DDX60L: variants seen among roughly 807,000 people sequenced by gnomAD.
DDX60L encodes the protein probable ATP-dependent RNA helicase DDX60-like.
Under a neutral mutation model 211.6 loss-of-function variants are expected in DDX60L, and 191 were observed. That is an observed-to-expected ratio of 0.90 (90% CI 0.80 to 1.02). DDX60L has a LOEUF of 1.02. Among genes scored for constraint, DDX60L ranks in the 50% least tolerant of loss-of-function variants. The probability of loss-of-function intolerance (pLI) is 0.00; values close to 1 mark genes in which losing one functional copy is unlikely to be tolerated. For missense variants in DDX60L, 2,007 were observed against 1,984.1 expected (o/e 1.01, Z -0.22); for synonymous variants, 706 against 694.1 (o/e 1.02, Z -0.27).
chr4:168,443,297 T>C (rs1306899111), intron 9 of DDX60L, among the ~76,000 whole-genome samples: 1 of 151,650 alleles, frequency 6.6e-6, no homozygotes, highest in Non-Finnish European at 1.5e-5. Flanking sequence ...ATGAAATGAA[T>C]GAAATGAAGC....
chr4:168,462,928 C>A (rs558722277), intron 4 of DDX60L, among the ~76,000 whole-genome samples: 1 of 152,132 alleles, frequency 6.6e-6, no homozygotes, highest in African/African-American at 2.4e-5. Flanking sequence ...TACCATCTCA[C>A]GCCAGTCAGA....
intron 8 of DDX60L, among the ~76,000 whole-genome samples, chr4:168,449,810 A>AC (rs1554017231): frequency 1.1e-5 from 1 of 92,834 alleles, no homozygotes; most frequent in East Asian, 8.9e-4. Flanking sequence ...AAAAATAAAA[A>AC]AAAAAAAAAA....
chr4:168,391,139 A>G (rs1172302192), intron 29 of DDX60L, among the ~76,000 whole-genome samples: 1 of 152,194 alleles, frequency 6.6e-6, no homozygotes, highest in East Asian at 1.9e-4. Flanking sequence ...TGATAATACC[A>G]AGTGCCACAC....
At chr4:168,435,514 T>C (rs999542404) in intron 10 of DDX60L, among the ~76,000 whole-genome samples, 1 of 152,190 alleles carries the variant, frequency 6.6e-6, no homozygotes, top group Admixed American at 6.5e-5. Flanking sequence ...AACCCTATGA[T>C]GACTCCAACT....
At chr4:168,442,420 C>T (rs1408616137) in intron 9 of DDX60L, among the ~76,000 whole-genome samples, 1 of 152,114 alleles carries the variant, frequency 6.6e-6, no homozygotes, top group Non-Finnish European at 1.5e-5. Flanking sequence ...GGCAGCGAGG[C>T]TGGGGGAGGG....
intron 29 of DDX60L, among the ~76,000 whole-genome samples, chr4:168,388,504 C>T (rs1190242068): frequency 6.6e-6 from 1 of 152,260 alleles, no homozygotes; most frequent in Non-Finnish European, 1.5e-5. Flanking sequence ...TTACTATGTG[C>T]TGTGCACAGT....
At chr4:168,460,081 G>A (rs1757122024) in intron 5 of DDX60L, among the ~76,000 whole-genome samples, 1 of 152,080 alleles carries the variant, frequency 6.6e-6, no homozygotes, top group Non-Finnish European at 1.5e-5. Context: ...AAAGGACAGA[G>A]ATCTGCTATA....
chr4:168,415,692 T>C lies in DDX60L; in HGVS notation c.2834A>G (p.His945Arg). ...ADKCLNFLQD[H>R]SYKNQSYEVR... ...TTCATATGATTGATTTTTATATGAATGGTCTTGGAGAAAGTTGAGACATTT... is the reference window on the plus strand; with the variant it reads ...TTCATATGATTGATTTTTATATGAACGGTCTTGGAGAAAGTTGAGACATTT... The change falls in exon 21 of 38, where the codon CAT (histidine) becomes CGT (arginine). Residue 945 changes from histidine (H) to arginine (R), a missense_variant. His to Arg is a conservative substitution (Grantham distance 29, BLOSUM62 0). Transcript: ENST00000682922. The C allele has an allele frequency of 1.3e-6, 2 of 1,599,152 alleles. No individual in the cohort carries two copies. The highest frequency in any genetic ancestry group is 1.1e-5 in the South Asian group (1 of 87,170).
At chr4:168,467,577 G>A (rs905805741) in intron 4 of DDX60L, among the ~76,000 whole-genome samples, 36 of 152,010 alleles carry the variant, frequency 2.4e-4, no homozygotes, top group African/African-American at 7.2e-4. Flanking sequence ...TAGATAAGGC[G>A]GGCAAATCCC....
At chr4:168,477,239 C>T (rs1394455747) in intron 1 of DDX60L, among the ~76,000 whole-genome samples, 1 of 151,992 alleles carries the variant, frequency 6.6e-6, no homozygotes, top group Non-Finnish European at 1.5e-5. Flanking sequence ...CATGGTGAAA[C>T]CCTGTCTCTA....
At chr4:168,460,669 T>C (rs1757206980) in intron 5 of DDX60L, among the ~76,000 whole-genome samples, 1 of 151,972 alleles carries the variant, frequency 6.6e-6, no homozygotes, top group South Asian at 2.1e-4. Flanking sequence ...CCTAATTCTC[T>C]CCAGACACCA....
intron 22 of DDX60L, among the ~76,000 whole-genome samples, 194 bp downstream of exon 22, chr4:168,415,214 C>T (rs536529713): frequency 6.6e-6 from 1 of 151,542 alleles, no homozygotes; most frequent in East Asian, 1.9e-4. Context: ...ATATATACAG[C>T]TACTTTAGAT....
rs73863331 is a variant in DDX60L, at chr4:168,432,847, T to G, written c.1400+163A>C. Among the ~76,000 whole-genome samples, 957 of 150,668 alleles carry G rather than the reference T, an allele frequency of 6.4e-3. 12 individuals are homozygous for G. The highest frequency in any genetic ancestry group is 0.019 in the African/African-American group (794 of 40,962). Reference sequence around the variant, plus strand: ...TTATATAGTAATGTTCAAATAATATTGACATACTAGATGTTACAATCACTT... The same window carrying G: ...TTATATAGTAATGTTCAAATAATATGGACATACTAGATGTTACAATCACTT... On this transcript the variant is annotated intron_variant, in intron 11 of 37. Transcript: ENST00000682922.
chr4:168,421,386 A>G lies in DDX60L; in HGVS notation c.2394+374T>C, dbSNP rs547641376. Among the ~76,000 whole-genome samples the G allele has an allele frequency of 1.4e-4, 21 of 152,340 alleles. No homozygotes were observed. In the East Asian group the frequency reaches 3.5e-3, roughly 25 times the overall value. On this transcript the variant is annotated intron_variant, in intron 17 of 37. Transcript: ENST00000682922. ...ATCAAAAATAGTTTCTTGGCCGGGC[A>G]CGGTGGCTCACGCCTGTAATCCCAA...
At chr4:168,455,970 G>T in intron 7 of DDX60L, 69 bp downstream of exon 7, 1 of 1,057,028 alleles carries the variant, frequency 9.5e-7, no homozygotes, top group Non-Finnish European at 1.4e-6. Flanking sequence ...GATGCCACCA[G>T]TGAAGTTATA....
chr4:168,366,555 C>G (rs1740024682), intron 36 of DDX60L, among the ~76,000 whole-genome samples: 1 of 151,850 alleles, frequency 6.6e-6, no homozygotes, highest in Non-Finnish European at 1.5e-5. Flanking sequence ...GGCCACACTA[C>G]CCAAAATGAT....
chr4:168,384,704 G>A lies in DDX60L; in HGVS notation c.4024C>T (p.Leu1342=), dbSNP rs773500336. ...ATGCTGAGAGGGAACTGTCCTCTCA[G>A]CTCAGGAACACTGGATGCAAGGAGT... is the stretch of plus-strand genomic sequence containing the variant. ...KRLLASSVPE[L]RGQFPLSITL... Residue 1342 remains leucine (L), a synonymous_variant, in exon 30 of 38, where the codon CTG becomes TTG. Coordinates refer to ENST00000682922, the MANE Select transcript of DDX60L (RefSeq NM_001012967.3). 2 of 1,613,940 alleles carry A rather than the reference G, an allele frequency of 1.2e-6. No individual in the cohort carries two copies. Among genetic ancestry groups the A allele is most frequent in the Admixed American group, 3.3e-5 (2 of 59,936 alleles).
intron 26 of DDX60L, among the ~76,000 whole-genome samples, chr4:168,397,321 A>C (rs764707197): frequency 1.3e-5 from 2 of 152,248 alleles, no homozygotes; most frequent in Non-Finnish European, 2.9e-5. Context: ...TGAGGGACTC[A>C]AAGAAGAATA....
chr4:168,442,144 G>A lies in DDX60L; in HGVS notation c.1139-652C>T, dbSNP rs912651192. ...ACAGTGGGCACAGGTCAGTGGGTGC[G>A]CGCACCGTGTGCGAGCCGAAGCAGG... is the stretch of plus-strand genomic sequence containing the variant. On this transcript the variant is annotated intron_variant, in intron 9 of 37. Transcript: ENST00000682922. Among the ~76,000 whole-genome samples, 912 of 152,036 alleles carry A rather than the reference G, an allele frequency of 6.0e-3. 12 individuals carry two copies. The highest frequency in any genetic ancestry group is 0.018 in the African/African-American group (739 of 41,460).
Sources: allele counts gnomAD v4.1 joint callset (sites outside exome capture counted in the v4.1 genomes callset), GRCh38; gene constraint gnomAD v4.1.1; transcripts MANE v1.5; gene names NCBI Gene and HGNC (gene_info 2026-07-23, HGNC 2026-07-21).